Variants in MRC1 observed in about 807,000 individuals in gnomAD.
MRC1 encodes the protein mannose receptor C-type 1.
A neutral mutation model predicts 102.9 loss-of-function variants in MRC1; 62 were observed. The observed-to-expected ratio is 0.60, with a 90% CI of 0.49 to 0.74. The LOEUF is 0.74. Among genes scored for constraint, MRC1 ranks in the 30% least tolerant of loss-of-function variants. The pLI is 0.00. For missense variants in MRC1, 1,237 were observed against 862.8 expected (o/e 1.43, Z -5.43); for synonymous variants, 457 against 298.4 (o/e 1.53, Z -5.48).
At chr10:17,899,855 T>G (rs936717735) in intron 24 of MRC1, among the ~76,000 whole-genome samples, 12 of 151,946 alleles carry the variant, frequency 7.9e-5, no homozygotes, top group Non-Finnish European at 1.6e-4. Flanking sequence ...CCCCAGCAGT[T>G]TGGGAGGCTG....
chr10:17,880,770 A>G, intron 20 of MRC1, 100 bp downstream of exon 20: 3 of 761,992 alleles, frequency 3.9e-6, no homozygotes, highest in South Asian at 2.8e-5. Flanking sequence ...ATTACTTTAG[A>G]AAATTTTTGG....
chr10:17,844,200 A>G (rs1027261736), intron 5 of MRC1, among the ~76,000 whole-genome samples: 1 of 151,990 alleles, frequency 6.6e-6, no homozygotes, highest in Non-Finnish European at 1.5e-5. Context: ...CTCTCCCATT[A>G]GCTTTTTCTC....
chr10:17,851,157 C>T (rs1838910081), intron 7 of MRC1, among the ~76,000 whole-genome samples: 1 of 152,042 alleles, frequency 6.6e-6, no homozygotes, highest in South Asian at 2.1e-4. Flanking sequence ...CTTTGTATAA[C>T]ATAATGTAGT....
At chr10:17,826,687 T>A (rs1190258563) in intron 2 of MRC1, among the ~76,000 whole-genome samples, 1 of 152,386 alleles carries the variant, frequency 6.6e-6, no homozygotes, top group African/African-American at 2.4e-5. Context: ...GAGATGAGCT[T>A]CCTTAACCTT....
chr10:17,836,211 A>G (rs962454991), intron 4 of MRC1, among the ~76,000 whole-genome samples: 1 of 152,200 alleles, frequency 6.6e-6, no homozygotes, highest in Non-Finnish European at 1.5e-5. Flanking sequence ...CCCGTCACCA[A>G]CCAGAACACA....
intron 3 of MRC1, among the ~76,000 whole-genome samples, 177 bp downstream of exon 3, chr10:17,827,892 T>C (rs1165918974): frequency 1.3e-5 from 2 of 152,106 alleles, no homozygotes; most frequent in Non-Finnish European, 2.9e-5. Flanking sequence ...GAGAAAATGA[T>C]CTATATTGGC....
intron 14 of MRC1, among the ~76,000 whole-genome samples, 193 bp from the exon 15 acceptor site, chr10:17,871,789 C>T (rs1833358378): frequency 6.6e-6 from 1 of 152,104 alleles, no homozygotes; most frequent in Non-Finnish European, 1.5e-5. Flanking sequence ...TTCAACATCA[C>T]AAGGTTCCAT....
At chr10:17,840,563 A>C (rs1462018029) in intron 4 of MRC1, 130 bp from the exon 5 acceptor site, 4 of 690,390 alleles carry the variant, frequency 5.8e-6, no homozygotes, top group African/African-American at 1.8e-5. Flanking sequence ...CAAAGGAGAC[A>C]TGGTAGGCAT....
At chr10:17,860,376 G>A (rs1833166946) in intron 9 of MRC1, among the ~76,000 whole-genome samples, 1 of 151,232 alleles carries the variant, frequency 6.6e-6, no homozygotes, top group African/African-American at 2.4e-5. Context: ...CCTTGGCTCA[G>A]TCAATCCTCC....
rs1838256740 is a variant in MRC1, at chr10:17,813,561, T to G, written c.61+4035T>G. On this transcript the variant is annotated intron_variant, in intron 1 of 29. Transcript: ENST00000569591. ...ACCTTTCTCCTTTTTAAATTTGTTC[T>G]CCATCTTTCTCAGTGTTTGTATCTA... Among the ~76,000 whole-genome samples, 3 of 151,264 alleles carry G rather than the reference T, an allele frequency of 2.0e-5. No individual in the cohort carries two copies. In the Admixed American group the frequency reaches 2.0e-4, roughly 10 times the overall value.
chr10:17,850,910 G>C (rs1838905216), intron 7 of MRC1, among the ~76,000 whole-genome samples: 1 of 152,186 alleles, frequency 6.6e-6, no homozygotes. Flanking sequence ...ACCCCATTGA[G>C]TGTCTTAGGC....
intron 1 of MRC1, among the ~76,000 whole-genome samples, chr10:17,816,169 G>T (rs1330166981): frequency 6.6e-6 from 1 of 152,224 alleles, no homozygotes; most frequent in Non-Finnish European, 1.5e-5. Context: ...ACTAGGTGCA[G>T]GGTAAATATT....
At position 17,823,444 on chromosome 10, in the gene MRC1, C is replaced by A. The variant is rs782629754; in HGVS notation, c.432C>A (p.Thr144=). The A allele has an allele frequency of 5.1e-6, 4 of 780,716 alleles. No individual in the cohort carries two copies. The highest frequency in any genetic ancestry group is 9.6e-6 in the Non-Finnish European group (4 of 417,972). The allele number at this position is 780,716 out of a possible 1,614,324, so 48.4% of individuals were successfully genotyped here. ...GGAGCAGGTGGAAGATCTATGGAAC[C>A]ACAGACAATCTGTGCTCCAGAGGTT... ...GLWSRWKIYG[T]TDNLCSRGYE... Residue 144 remains threonine, a synonymous_variant, in exon 2 of 30, where the codon ACC becomes ACA. Transcript: ENST00000569591.
intron 21 of MRC1, among the ~76,000 whole-genome samples, chr10:17,884,939 T>A (rs1833571028): frequency 6.6e-6 from 1 of 152,250 alleles, no homozygotes; most frequent in Admixed American, 6.5e-5. Context: ...TGACTTTTTA[T>A]GAATTAGAAA....
Position 17,871,854 on chromosome 10 carries a change from A to T in MRC1, c.2200-128A>T, listed in dbSNP as rs1263782985. Reference sequence around the variant, plus strand: ...TTTGTGAACTGTGCTTTCAAAGCAAAGCTATTGTGAAAAAAAAGTAAATTG... The same window carrying T: ...TTTGTGAACTGTGCTTTCAAAGCAATGCTATTGTGAAAAAAAAGTAAATTG... On this transcript the variant is annotated intron_variant, in intron 14 of 29. Coordinates refer to ENST00000569591, the MANE Select transcript of MRC1 (RefSeq NM_002438.4). The T allele has an allele frequency of 2.7e-5, 19 of 692,810 alleles. No homozygotes were observed. The Admixed American group carries it at 2.9e-4, about 11-fold the overall frequency. 42.9% of individuals were successfully genotyped at this position (692,810 alleles called of 1,614,324 possible). A position where few individuals can be genotyped will look rare whatever the true frequency, so the allele number is the denominator to read the frequency against.
chr10:17,890,003 G>T (rs2130703747), intron 22 of MRC1, among the ~76,000 whole-genome samples: 1 of 151,940 alleles, frequency 6.6e-6, no homozygotes, highest in Non-Finnish European at 1.5e-5. Flanking sequence ...TTCAAGCTAA[G>T]TTTACAGGCA....
Position 17,840,700 on chromosome 10 carries a change from C to T in MRC1, c.810C>T (p.Thr270=), listed in dbSNP as rs2130625607. The change falls in exon 5 of 30, where the codon ACC becomes ACT. Residue 270 remains threonine, a synonymous_variant. Transcript: ENST00000569591. ...IHEQTYLTGL[T]SSLTSGLWIG... is the part of the protein sequence containing the mutation. ...CTTTCTTTAAAAATATAGGATTAAC[C>T]AGTTCCTTGACCTCAGGACTCTGGA... The T allele has an allele frequency of 1.3e-6, 1 of 780,856 alleles. No individual in the cohort carries two copies. The highest frequency in any genetic ancestry group is 2.4e-6 in the Non-Finnish European group (1 of 417,956). 48.4% of individuals were successfully genotyped at this position (780,856 alleles called of 1,614,324 possible). A position where few individuals can be genotyped will look rare whatever the true frequency, so the allele number is the denominator to read the frequency against.
chr10:17,910,644 A>G lies in MRC1; in HGVS notation c.*179A>G, dbSNP rs891879082. 154 of 668,500 alleles carry G rather than the reference A, an allele frequency of 2.3e-4. No homozygotes were observed. Among genetic ancestry groups the G allele is most frequent in the Admixed American group, 3.6e-4 (15 of 41,102 alleles). 41.4% of individuals were successfully genotyped at this position (668,500 alleles called of 1,614,324 possible). ...TTTTCTAGCCTGGCAAGATATTTTC[A>G]TAAAAGAGGGATAACAATGCTGATT... is the stretch of plus-strand genomic sequence containing the variant. On this transcript the variant is annotated 3_prime_UTR_variant, in exon 30 of 30. Coordinates refer to ENST00000569591, the MANE Select transcript of MRC1 (RefSeq NM_002438.4).
chr10:17,847,830 G>T (rs963455988), intron 6 of MRC1, among the ~76,000 whole-genome samples: 1 of 151,896 alleles, frequency 6.6e-6, no homozygotes, highest in African/African-American at 2.4e-5. Flanking sequence ...GACAGCATTG[G>T]CTGATACTAT....
Sources: allele counts gnomAD v4.1 joint callset (sites outside exome capture counted in the v4.1 genomes callset), GRCh38; gene constraint gnomAD v4.1.1; transcripts MANE v1.5; gene names NCBI Gene and HGNC (gene_info 2026-07-23, HGNC 2026-07-21).